SLC24A3: variants seen among roughly 807,000 people sequenced by gnomAD.
The protein encoded by SLC24A3 is solute carrier family 24 member 3.
SLC24A3 carries 28 observed loss-of-function variants against 75.8 expected under a neutral mutation model. The ratio of observed to expected loss-of-function variants is 0.37; its 90% CI spans 0.27 to 0.51. The LOEUF (loss-of-function observed/expected upper bound fraction) is 0.51, where lower values mean the gene tolerates loss of function less well. SLC24A3 is among the 20% of genes least tolerant of loss of function. The pLI, the probability that SLC24A3 is intolerant of heterozygous loss-of-function variation, is 0.94. For synonymous variants in SLC24A3, 372 were observed against 334.1 expected, an observed-to-expected ratio of 1.11 and a Z score of -1.24; for missense variants, 663 against 847.8, an observed-to-expected ratio of 0.78 and a Z score of 2.71.
At chr20:19,688,189 C>T (rs1248552709) in intron 12 of SLC24A3, among the ~76,000 whole-genome samples, 1 of 152,142 alleles carries the variant, frequency 6.6e-6, no homozygotes, top group Non-Finnish European at 1.5e-5. Context: ...GGGTGAGGCC[C>T]GAGTCTGCAT....
intron 3 of SLC24A3, among the ~76,000 whole-genome samples, chr20:19,525,379 G>A (rs2030179565): frequency 6.6e-6 from 1 of 152,122 alleles, no homozygotes; most frequent in Non-Finnish European, 1.5e-5. Context: ...CAGAGACTTT[G>A]GATGATGGTC....
chr20:19,404,544 G>A lies in SLC24A3; in HGVS notation c.272-110944G>A, dbSNP rs189140534. On this transcript the variant is annotated intron_variant, in intron 2 of 16. Coordinates refer to ENST00000328041, the MANE Select transcript of SLC24A3 (RefSeq NM_020689.4). The stretch of plus-strand genomic sequence containing the variant: ...TAGTTTTACCCCAGTTTTTTGCCTG[G>A]CCTTCCATCAGCCTTTCTCCTTCTG... 2.3e-3 allele frequency among the ~76,000 whole-genome samples: 351 copies of A among 152,262 alleles called. 3 individuals carry two copies. Among genetic ancestry groups the A allele is most frequent in the East Asian group, 6.6e-3 (34 of 5,186 alleles).
intron 1 of SLC24A3, among the ~76,000 whole-genome samples, chr20:19,235,804 G>T (rs1031471179): frequency 6.6e-6 from 1 of 152,090 alleles, no homozygotes; most frequent in African/African-American, 2.4e-5. Flanking sequence ...TTACCTACAA[G>T]GTGCAACTGA....
intron 15 of SLC24A3, among the ~76,000 whole-genome samples, chr20:19,700,808 C>T (rs1459942459): frequency 6.6e-6 from 1 of 152,184 alleles, no homozygotes; most frequent in East Asian, 1.9e-4. Flanking sequence ...TGTACTTAAT[C>T]ATGCTGCTGC....
At chr20:19,424,027 A>T (rs1466709735) in intron 2 of SLC24A3, among the ~76,000 whole-genome samples, 3 of 152,200 alleles carry the variant, frequency 2.0e-5, no homozygotes, top group Non-Finnish European at 4.4e-5. Context: ...TAATGGTGGG[A>T]GGAACCACAT....
intron 6 of SLC24A3, among the ~76,000 whole-genome samples, chr20:19,608,791 C>T (rs2031631925): frequency 6.6e-6 from 1 of 152,224 alleles, no homozygotes; most frequent in Admixed American, 6.5e-5. Flanking sequence ...ACAATATTCA[C>T]TAATGATCTG....
chr20:19,665,722 G>A lies in SLC24A3; in HGVS notation c.688-142G>A, dbSNP rs1421076672. 4.5e-6 allele frequency: 5 copies of A among 1,119,362 alleles called. No individual in the cohort carries two copies. The Admixed American group carries it at 1.2e-4, about 28-fold the overall frequency. 69.3% of individuals were successfully genotyped at this position (1,119,362 alleles called of 1,614,324 possible). A position where few individuals can be genotyped will look rare whatever the true frequency, so the allele number is the denominator to read the frequency against. On this transcript the variant is annotated intron_variant, in intron 7 of 16. Transcript: ENST00000328041. ...GGGAAGTTTACCCACAGGGACTCCA[G>A]GTCCCAGGACAACCCAGTCCTGATT...
At chr20:19,424,917 A>T (rs1009377692) in intron 2 of SLC24A3, among the ~76,000 whole-genome samples, 1 of 152,168 alleles carries the variant, frequency 6.6e-6, no homozygotes, top group Non-Finnish European at 1.5e-5. Flanking sequence ...TATCCCACAA[A>T]GGAACTTTAT....
intron 6 of SLC24A3, among the ~76,000 whole-genome samples, chr20:19,620,487 C>A (rs968588340): frequency 3.9e-5 from 6 of 152,138 alleles, no homozygotes; most frequent in Non-Finnish European, 1.5e-5. Context: ...GAAGAAATGA[C>A]CTTGCCAGAC....
chr20:19,714,178 G>A (rs2033018878), intron 15 of SLC24A3, among the ~76,000 whole-genome samples: 1 of 152,144 alleles, frequency 6.6e-6, no homozygotes, highest in African/African-American at 2.4e-5. Context: ...CAATGCTGGA[G>A]GATTGCTTGA....
At chr20:19,568,318 A>G (rs2030995104) in intron 3 of SLC24A3, among the ~76,000 whole-genome samples, 1 of 152,228 alleles carries the variant, frequency 6.6e-6, no homozygotes, top group Non-Finnish European at 1.5e-5. Context: ...CGGGGACTCA[A>G]AGAATATTGC....
At chr20:19,720,433 A>G (rs992985323) in intron 16 of SLC24A3, among the ~76,000 whole-genome samples, 1 of 152,226 alleles carries the variant, frequency 6.6e-6, no homozygotes, top group Admixed American at 6.5e-5. Flanking sequence ...CGTTGGCTGC[A>G]ACAGGCAGAA....
intron 4 of SLC24A3, among the ~76,000 whole-genome samples, chr20:19,582,975 GGAT>G (rs1229148189): frequency 3.3e-5 from 5 of 152,136 alleles, no homozygotes; most frequent in African/African-American, 1.2e-4. Context: ...GAGCAGCGGA[GGAT>G]GTGACAATAG....
In SLC24A3 at chr20:19,316,207, C is replaced by T. The variant is rs149332389; in HGVS notation, c.271+35120C>T. Among the ~76,000 whole-genome samples the T allele has an allele frequency of 1.6e-3, 251 of 152,258 alleles. 1 individual carries two copies. The highest frequency in any genetic ancestry group is 5.3e-3 in the African/African-American group (222 of 41,556). ...TCTACCGTCACAAAGTGGAGAAATCCCAAGATGAACCATCAAAAATCTGGG... is the reference window on the plus strand; with the variant it reads ...TCTACCGTCACAAAGTGGAGAAATCTCAAGATGAACCATCAAAAATCTGGG... On this transcript the variant is annotated intron_variant, in intron 2 of 16. Transcript: ENST00000328041.
In SLC24A3 at chr20:19,235,771, A is replaced by C. The variant is rs1206327248; in HGVS notation, c.142+22787A>C. ...CAGGTGCATCCCCTGCAGAACATCC[A>C]TTCATATGTCCCAGTTTCTCCATTA... On this transcript the variant is annotated intron_variant, in intron 1 of 16. Transcript: ENST00000328041. Among the ~76,000 whole-genome samples the C allele has an allele frequency of 2.0e-5, 3 of 152,202 alleles. 1 individual carries two copies. In the East Asian group the frequency reaches 5.8e-4, roughly 29 times the overall value.
intron 12 of SLC24A3, among the ~76,000 whole-genome samples, chr20:19,689,100 T>C (rs950932094): frequency 6.6e-6 from 1 of 152,234 alleles, no homozygotes; most frequent in African/African-American, 2.4e-5. Flanking sequence ...TTTTCATGTG[T>C]ATGTAGGTAA....
chr20:19,597,575 G>A (rs1053937408), intron 6 of SLC24A3, among the ~76,000 whole-genome samples: 11 of 152,082 alleles, frequency 7.2e-5, no homozygotes, highest in African/African-American at 2.4e-4. Context: ...TGTTGGGAAC[G>A]TTTCAAGTCC....
intron 1 of SLC24A3, among the ~76,000 whole-genome samples, chr20:19,264,728 C>CA (rs371253803): frequency 0.04 from 3,888 of 97,902 alleles, 240 homozygotes; most frequent in African/African-American, 0.12. Context: ...GACTCCATCT[C>CA]AAAAAAAAAA....
rs552572609 is a variant in SLC24A3 at position 19,477,427 on chromosome 20, T to G, written c.272-38061T>G. Among the ~76,000 whole-genome samples, 6 of 152,300 alleles carry G rather than the reference T, an allele frequency of 3.9e-5. No individual in the cohort carries two copies. In the East Asian group the frequency reaches 1.2e-3, roughly 29 times the overall value. ...AACCTGCAGGGAGTAGATCGCCAAT[T>G]TATTTGGAGGCAAGCTAAGTCCAAA... is the stretch of plus-strand genomic sequence containing the variant. On this transcript the variant is annotated intron_variant, in intron 2 of 16. Coordinates refer to ENST00000328041, the MANE Select transcript of SLC24A3 (RefSeq NM_020689.4).
Sources: gnomAD v4.1 joint callset for allele counts (sites outside exome capture counted in the v4.1 genomes callset) on GRCh38, gnomAD v4.1.1 for gene constraint, MANE v1.5 for transcripts, NCBI Gene and HGNC (gene_info 2026-07-23, HGNC 2026-07-21) for gene names.